ABCA12: variants seen among roughly 807,000 people sequenced by gnomAD.
ABCA12 encodes the protein ATP binding cassette subfamily A member 12.
A neutral mutation model predicts 293.5 loss-of-function variants in ABCA12; 156 were observed. That is an observed-to-expected ratio of 0.53 (90% CI 0.47 to 0.61). ABCA12 has a LOEUF of 0.61. Ranked by LOEUF, ABCA12 falls within the 20% of genes least tolerant of loss-of-function variation. The pLI is 0.00. For missense variants in ABCA12, 2,797 were observed against 3,090.2 expected (o/e 0.91, Z 2.25); for synonymous variants, 1,063 against 1,108.0 (o/e 0.96, Z 0.81).
chr2:215,112,333 A>ATTTT lies in ABCA12; in HGVS notation c.70-647_70-644dup, dbSNP rs35532740. ...AGAACTTACACCGTTATAGTCAATG[A>ATTTT]TTTTTTTTTTTTTTTTTTGCCCAGT... On this transcript the variant is annotated intron_variant, in intron 1 of 52. Coordinates refer to ENST00000272895, the MANE Select transcript of ABCA12 (RefSeq NM_173076.3). Among the ~76,000 whole-genome samples the ATTTT allele has an allele frequency of 1.1e-3, 136 of 126,680 alleles. 1 individual carries two copies. Among genetic ancestry groups the ATTTT allele is most frequent in the Middle Eastern group, 4.3e-3 (1 of 234 alleles). The allele number at this position is 126,680 out of a possible 152,430, so 83.1% of individuals were successfully genotyped here. A position where few individuals can be genotyped will look rare whatever the true frequency, so the allele number is the denominator to read the frequency against.
At chr2:215,019,869 C>T (rs1700589823) in intron 11 of ABCA12, 73 bp from the exon 12 acceptor site, 8 of 1,544,968 alleles carry the variant, frequency 5.2e-6, no homozygotes, top group Non-Finnish European at 7.1e-6. Flanking sequence ...TGATAATAAG[C>T]AACCACAATT....
intron 29 of ABCA12, among the ~76,000 whole-genome samples, chr2:214,983,049 A>G (rs1028799487): frequency 7.2e-5 from 11 of 152,110 alleles, no homozygotes; most frequent in African/African-American, 2.7e-4. Context: ...TAGAGAGAAG[A>G]GAAAGTAAAA....
chr2:215,011,093 A>G (rs2106001285), intron 17 of ABCA12, among the ~76,000 whole-genome samples: 1 of 152,316 alleles, frequency 6.6e-6, no homozygotes, highest in South Asian at 2.1e-4. Context: ...GCAAGTTTTT[A>G]TATTGTCTAG....
At chr2:215,010,299 T>C (rs1394881165) in intron 18 of ABCA12, 32 bp downstream of exon 18, 10 of 1,612,600 alleles carry the variant, frequency 6.2e-6, no homozygotes, top group Non-Finnish European at 8.5e-6. Flanking sequence ...ATCTTAATAG[T>C]CAAAATAGAA....
intron 30 of ABCA12, among the ~76,000 whole-genome samples, chr2:214,981,297 TTC>T (rs1016309314): frequency 1.3e-5 from 2 of 152,104 alleles, no homozygotes; most frequent in Non-Finnish European, 2.9e-5. Context: ...TGCATTGTTT[TTC>T]TCTCTCTCTT....
rs57895778 is a variant in ABCA12 at position 214,963,605 on chromosome 2, C to CAA, written c.5884+3241_5884+3242dup. 6.8e-3 allele frequency among the ~76,000 whole-genome samples: 479 copies of CAA among 69,934 alleles called. 1 individual carries two copies. Among genetic ancestry groups the CAA allele is most frequent in the African/African-American group, 0.017 (301 of 17,602 alleles). The allele number at this position is 69,934 out of a possible 152,430, so 45.9% of individuals were successfully genotyped here. A position where few individuals can be genotyped will look rare whatever the true frequency, so the allele number is the denominator to read the frequency against. ...TGATACCAAAACCTGGCAGAGATAC[C>CAA]AAAAAAAAAAAAAAAAAAAAAAAAG... On this transcript the variant is annotated intron_variant, in intron 39 of 52. Transcript: ENST00000272895.
At chr2:215,026,986 G>T in intron 9 of ABCA12, 48 bp from the exon 10 acceptor site, 1 of 1,364,080 alleles carries the variant, frequency 7.3e-7, no homozygotes, top group Non-Finnish European at 1.0e-6. Flanking sequence ...TAAAAGTAAA[G>T]CAAAGCCGTT....
At chr2:215,113,830 T>C (rs143296530) in intron 1 of ABCA12, among the ~76,000 whole-genome samples, 41 of 152,358 alleles carry the variant, frequency 2.7e-4, no homozygotes, top group African/African-American at 9.4e-4. Flanking sequence ...ATAGAAATTA[T>C]GGATATTTAA....
At chr2:214,947,351 A>G (rs1698614665) in intron 48 of ABCA12, 71 bp downstream of exon 48, 17 of 1,600,184 alleles carry the variant, frequency 1.1e-5, no homozygotes, top group Non-Finnish European at 1.5e-5. Context: ...ATGATGATGA[A>G]ATGTTAACAC....
chr2:215,051,910 G>C (rs553715716), intron 5 of ABCA12, among the ~76,000 whole-genome samples: 1 of 151,932 alleles, frequency 6.6e-6, no homozygotes, highest in Non-Finnish European at 1.5e-5. Context: ...TAAAATCTCC[G>C]TACACACACT....
chr2:215,103,219 T>C (rs1702392866), intron 2 of ABCA12, among the ~76,000 whole-genome samples: 1 of 151,784 alleles, frequency 6.6e-6, no homozygotes, highest in African/African-American at 2.4e-5. Flanking sequence ...TATGTGATGA[T>C]GGCAAGAATA....
At chr2:215,094,263 C>T (rs1377653097) in intron 2 of ABCA12, among the ~76,000 whole-genome samples, 1 of 152,206 alleles carries the variant, frequency 6.6e-6, no homozygotes, top group Admixed American at 6.5e-5. Context: ...CACTTTACTT[C>T]CAAAGGAAGA....
chr2:215,118,578 G>A (rs570036839), intron 1 of ABCA12, among the ~76,000 whole-genome samples: 12 of 151,882 alleles, frequency 7.9e-5, no homozygotes, highest in Admixed American at 2.0e-4. Context: ...GAAATTTAGA[G>A]TATAAATATA....
intron 37 of ABCA12, 78 bp downstream of exon 37, chr2:214,970,195 G>C: frequency 7.3e-7 from 1 of 1,373,174 alleles, no homozygotes; most frequent in Non-Finnish European, 1.0e-6. Context: ...ATAGAAATTT[G>C]TATCTATTGT....
chr2:215,037,005 G>A lies in ABCA12; in HGVS notation c.933C>T (p.Thr311=). The change falls in exon 8 of 53, where the codon ACC becomes ACT. Residue 311 remains threonine, a synonymous_variant. Coordinates refer to ENST00000272895, the MANE Select transcript of ABCA12 (RefSeq NM_173076.3). ...PRFATNEGFR[T]LQKSVKHLLY... Reference sequence around the variant, plus strand: ...GCAGATGTTTAACAGACTTCTGGAGGGTTCTGAAACCTTCGTTAGTTGCAA... The same window carrying A: ...GCAGATGTTTAACAGACTTCTGGAGAGTTCTGAAACCTTCGTTAGTTGCAA... The A allele has an allele frequency of 6.2e-7, 1 of 1,613,884 alleles. No individual in the cohort carries two copies.
intron 15 of ABCA12, among the ~76,000 whole-genome samples, chr2:215,012,898 A>G (rs1700407833): frequency 6.6e-6 from 1 of 152,228 alleles, no homozygotes; most frequent in African/African-American, 2.4e-5. Context: ...ATGATATAAT[A>G]TGCACCTAAA....
At chr2:215,134,397 TG>T (rs1192254831) in intron 1 of ABCA12, among the ~76,000 whole-genome samples, 1 of 146,508 alleles carries the variant, frequency 6.8e-6, no homozygotes, top group Non-Finnish European at 1.5e-5. Context: ...TATATGTATA[TG>T]TGTATATATG....
chr2:215,039,693 T>G (rs982574808), intron 7 of ABCA12, among the ~76,000 whole-genome samples: 1 of 151,886 alleles, frequency 6.6e-6, no homozygotes, highest in Admixed American at 6.6e-5. Context: ...AGGTGGAGCT[T>G]GCAGTGAGCC....
intron 38 of ABCA12, among the ~76,000 whole-genome samples, chr2:214,967,507 C>T (rs973504258): frequency 1.3e-5 from 2 of 152,046 alleles, no homozygotes; most frequent in Non-Finnish European, 2.9e-5. Context: ...ACTGGTGAAC[C>T]TCAATTCAAG....
Sources: allele counts gnomAD v4.1 joint callset (sites outside exome capture counted in the v4.1 genomes callset), GRCh38; gene constraint gnomAD v4.1.1; transcripts MANE v1.5; gene names NCBI Gene and HGNC (gene_info 2026-07-23, HGNC 2026-07-21).